OSCP1: variants seen among roughly 807,000 people sequenced by gnomAD.
OSCP1 encodes the protein protein OSCP1.
In OSCP1, 35 loss-of-function variants were observed where a neutral mutation model predicts 45.1. The ratio of observed to expected loss-of-function variants is 0.78; its 90% CI spans 0.59 to 1.03. The LOEUF (loss-of-function observed/expected upper bound fraction) is 1.03, where lower values mean the gene tolerates loss of function less well. OSCP1 is among the 50% of genes least tolerant of loss of function. The pLI, the probability that OSCP1 is intolerant of heterozygous loss-of-function variation, is 0.00. For synonymous variants in OSCP1, 179 were observed against 180.1 expected, an observed-to-expected ratio of 0.99 and a Z score of 0.05; for missense variants, 400 against 470.7, an observed-to-expected ratio of 0.85 and a Z score of 1.39.
chr1:36,419,341 G>T, intron 8 of OSCP1: 1 of 452,850 alleles, frequency 2.2e-6, no homozygotes. Flanking sequence ...CAATCTGCCA[G>T]TGCAAAGTCA....
chr1:36,438,933 A>C, intron 1 of OSCP1, 23 bp from the exon 2 acceptor site: 1 of 1,611,178 alleles, frequency 6.2e-7, no homozygotes, highest in Non-Finnish European at 8.5e-7. Context: ...GAGAGAACAC[A>C]GCTGAGCAAA....
At chr1:36,426,818 A>G (rs148990892) in intron 4 of OSCP1, among the ~76,000 whole-genome samples, 15,571 of 149,880 alleles carry the variant, frequency 0.1, 953 homozygotes, top group East Asian at 0.3. Context: ...TGATTCTCCT[A>G]CCTCAGCCTC....
chr1:36,430,643 G>A (rs534313580), intron 4 of OSCP1, among the ~76,000 whole-genome samples: 2 of 150,852 alleles, frequency 1.3e-5, no homozygotes, highest in South Asian at 2.1e-4. Flanking sequence ...TGACAAGGCC[G>A]ACTCTATTTT....
chr1:36,430,853 C>T (rs1002612808), intron 4 of OSCP1, among the ~76,000 whole-genome samples: 10 of 151,810 alleles, frequency 6.6e-5, no homozygotes, highest in African/African-American at 2.4e-4. Flanking sequence ...TGGGGTTTTA[C>T]CATGTTGGCC....
intron 1 of OSCP1, among the ~76,000 whole-genome samples, 193 bp downstream of exon 1, chr1:36,450,065 C>T (rs1439330707): frequency 2.0e-5 from 3 of 151,652 alleles, no homozygotes; most frequent in Non-Finnish European, 4.4e-5. Flanking sequence ...TATTAAGTTC[C>T]TCTGCTGTGA....
intron 4 of OSCP1, among the ~76,000 whole-genome samples, chr1:36,430,074 G>T (rs569634313): frequency 2.0e-5 from 3 of 152,308 alleles, no homozygotes; most frequent in Non-Finnish European, 2.9e-5. Flanking sequence ...TGGGATTACA[G>T]GCGTGAGCCA....
At chr1:36,428,189 CAA>C (rs71053930) in intron 4 of OSCP1, 61,352 of 832,560 alleles carry the variant, frequency 0.074, 2 homozygotes, top group South Asian at 0.1. Flanking sequence ...GACTGCATCT[CAA>C]AAAAAAAAAA....
intron 1 of OSCP1, among the ~76,000 whole-genome samples, chr1:36,440,146 A>G (rs1176467071): frequency 6.6e-6 from 1 of 152,248 alleles, no homozygotes; most frequent in Non-Finnish European, 1.5e-5. Context: ...GCTGAACACA[A>G]AGGACACTCC....
intron 4 of OSCP1, among the ~76,000 whole-genome samples, chr1:36,429,710 C>T (rs957564129): frequency 2.0e-5 from 3 of 151,588 alleles, no homozygotes; most frequent in Admixed American, 2.0e-4. Context: ...TGGGGTTTTA[C>T]CATGTTGCCG....
chr1:36,419,366 T>C lies in OSCP1; in HGVS notation c.960-312A>G, dbSNP rs1647475537. ...GTGCAAAGTCAGTCACTGTCCTCAA[T>C]TAGCGCATTCATGACACAGCACTGA... On this transcript the variant is annotated intron_variant, in intron 8 of 9. Coordinates refer to ENST00000235532, the MANE Select transcript of OSCP1 (RefSeq NM_145047.5). 4 of 407,014 alleles carry C rather than the reference T, an allele frequency of 9.8e-6. No homozygotes were observed. In the South Asian group the frequency reaches 1.5e-4, roughly 15 times the overall value. 25.2% of individuals were successfully genotyped at this position (407,014 alleles called of 1,614,324 possible).
intron 2 of OSCP1, 110 bp downstream of exon 2, chr1:36,438,646 G>T: frequency 7.5e-7 from 1 of 1,327,066 alleles, no homozygotes; most frequent in Non-Finnish European, 1.0e-6. Context: ...ACACATGCCT[G>T]TTTCTTGCAA....
In OSCP1 at chr1:36,418,115, G is replaced by A. The variant is rs1647381418; in HGVS notation, c.*24C>T. On this transcript the variant is annotated 3_prime_UTR_variant, in exon 10 of 10. Transcript: ENST00000235532. Reference sequence around the variant, plus strand: ...ACCATCCAGCAGCCTCTCCCTGGGGGCAGAGGACGCCTGGTCAGAACAGCT... The same window carrying A: ...ACCATCCAGCAGCCTCTCCCTGGGGACAGAGGACGCCTGGTCAGAACAGCT... The A allele has an allele frequency of 1.2e-6, 2 of 1,603,198 alleles. No individual in the cohort carries two copies. Among genetic ancestry groups the A allele is most frequent in the African/African-American group, 1.3e-5 (1 of 74,698 alleles).
chr1:36,434,489 C>G (rs1648580422), intron 2 of OSCP1, among the ~76,000 whole-genome samples: 1 of 152,192 alleles, frequency 6.6e-6, no homozygotes, highest in Non-Finnish European at 1.5e-5. Context: ...GTGGCTCACG[C>G]CTGTTATCCC....
chr1:36,444,386 C>T (rs764103527), intron 1 of OSCP1, among the ~76,000 whole-genome samples: 13 of 152,130 alleles, frequency 8.5e-5, no homozygotes, highest in Admixed American at 2.0e-4. Context: ...CTTTTAAAGA[C>T]GCTAGCCTCC....
chr1:36,432,443 C>G lies in OSCP1; in HGVS notation c.414G>C (p.Glu138Asp), dbSNP rs762043052. 1.9e-6 allele frequency: 3 copies of G among 1,614,144 alleles called. No homozygotes were observed. The highest frequency in any genetic ancestry group is 1.7e-5 in the Admixed American group (1 of 60,014). ...DSPTILQQVD[E>D]TLRQLTEIYG... ...TTACTTCTGTCAGCTGCCGCAAAGT[C>G]TCGTCCACTTGCTGCAGGATGGTTG... The change falls in exon 3 of 10, where the codon GAG becomes GAC. Residue 138 changes from glutamate (E) to aspartate (D), a missense_variant. Transcript: ENST00000235532.
intron 1 of OSCP1, among the ~76,000 whole-genome samples, chr1:36,443,230 C>G (rs1384999332): frequency 1.3e-5 from 2 of 152,160 alleles, no homozygotes; most frequent in African/African-American, 4.8e-5. Flanking sequence ...TCCCAAAGTG[C>G]TGGGATTACA....
rs762833932 is a variant in OSCP1 at position 36,420,429 on chromosome 1, T to C, written c.959+47A>G. On this transcript the variant is annotated intron_variant, in intron 8 of 9. Transcript: ENST00000235532. Reference sequence around the variant, plus strand: ...TAATAGTCATTTTGTGTTCTTGTCATGCTTGGGATTTTTATATGTCTTTAA... The same window carrying C: ...TAATAGTCATTTTGTGTTCTTGTCACGCTTGGGATTTTTATATGTCTTTAA... 8 of 1,583,102 alleles carry C rather than the reference T, an allele frequency of 5.1e-6. No individual in the cohort carries two copies. In the East Asian group the frequency reaches 1.6e-4, roughly 31 times the overall value.
At chr1:36,436,237 G>A (rs1231409938) in intron 2 of OSCP1, among the ~76,000 whole-genome samples, 1 of 150,958 alleles carries the variant, frequency 6.6e-6, no homozygotes, top group Non-Finnish European at 1.5e-5. Context: ...CCGAGTAGCT[G>A]GGACTACAGG....
At chr1:36,438,248 C>T (rs1175755790) in intron 2 of OSCP1, among the ~76,000 whole-genome samples, 4 of 139,618 alleles carry the variant, frequency 2.9e-5, no homozygotes, top group African/African-American at 5.4e-5. Context: ...ACCCGGGAGG[C>T]GGACGTTGTG....
Sources: allele counts gnomAD v4.1 joint callset (sites outside exome capture counted in the v4.1 genomes callset), GRCh38; gene constraint gnomAD v4.1.1; transcripts MANE v1.5; gene names NCBI Gene and HGNC (gene_info 2026-07-23, HGNC 2026-07-21).